Variants in DLC1 observed in about 807,000 individuals in gnomAD.
DLC1 encodes the protein DLC1 Rho GTPase activating protein, also known as rho GTPase-activating protein 7.
A neutral mutation model predicts 140.3 loss-of-function variants in DLC1; 54 were observed. That is an observed-to-expected ratio of 0.38 (90% CI 0.31 to 0.48). The LOEUF (loss-of-function observed/expected upper bound fraction) is 0.48, where lower values mean the gene tolerates loss of function less well. Ranked by LOEUF, DLC1 falls within the 20% of genes least tolerant of loss-of-function variation. The pLI is 0.96. For synonymous variants in DLC1, 986 were observed against 728.1 expected (o/e 1.35, Z -5.70); for missense variants, 2,536 against 1,907.0 (o/e 1.33, Z -6.14).
chr8:13,245,679 T>A (rs575245868), intron 5 of DLC1, among the ~76,000 whole-genome samples: 11 of 152,158 alleles, frequency 7.2e-5, no homozygotes, highest in Admixed American at 5.9e-4. Flanking sequence ...ACTTTTAAAA[T>A]TTTTTTATTA....
rs1418500153 is a variant in DLC1, at chr8:13,092,589, T to C, written c.3740+23A>G. On this transcript the variant is annotated intron_variant, in intron 13 of 17. Transcript: ENST00000276297. The stretch of plus-strand genomic sequence containing the variant: ...GAATGTAGGCTGCCCCCTGTGTGCA[T>C]GCACCTCCCATGCAGCCCGTACCTG... 3.1e-6 allele frequency: 5 copies of C among 1,611,056 alleles called. No individual in the cohort carries two copies. In the South Asian group the frequency reaches 3.3e-5, roughly 11 times the overall value.
chr8:13,372,984 C>A lies in DLC1; in HGVS notation c.1314+20569G>T, dbSNP rs75332557. ...GGAAGTAGCTACAGGAAGCAGCAGACATGGCTGAGCCTAAACCCAAATTAC... is the reference window on the plus strand; with the variant it reads ...GGAAGTAGCTACAGGAAGCAGCAGAAATGGCTGAGCCTAAACCCAAATTAC... On this transcript the variant is annotated intron_variant, in intron 4 of 17. Coordinates refer to ENST00000276297, the MANE Select transcript of DLC1 (RefSeq NM_182643.3). 3.5e-3 allele frequency among the ~76,000 whole-genome samples: 536 copies of A among 152,294 alleles called. 4 individuals carry two copies. The highest frequency in any genetic ancestry group is 0.012 in the African/African-American group (514 of 41,556).
At chr8:13,185,597 G>A (rs1264275420) in intron 5 of DLC1, among the ~76,000 whole-genome samples, 3 of 152,008 alleles carry the variant, frequency 2.0e-5, no homozygotes, top group Non-Finnish European at 4.4e-5. Flanking sequence ...GTGAGCCATG[G>A]CGCCCGGCCC....
At chr8:13,320,695 A>G (rs768852266) in intron 4 of DLC1, among the ~76,000 whole-genome samples, 2 of 152,040 alleles carry the variant, frequency 1.3e-5, no homozygotes, top group Admixed American at 6.5e-5. Flanking sequence ...GTCTGGTTCT[A>G]TTAGTTCCTG....
At chr8:13,449,662 G>A (rs144221218) in intron 2 of DLC1, among the ~76,000 whole-genome samples, 4,674 of 149,412 alleles carry the variant, frequency 0.031, 255 homozygotes, top group African/African-American at 0.11. Context: ...ACACACTGGG[G>A]CCTGTTGTGG....
At chr8:13,367,538 A>G (rs1161307675) in intron 4 of DLC1, among the ~76,000 whole-genome samples, 7 of 151,400 alleles carry the variant, frequency 4.6e-5, no homozygotes, top group Non-Finnish European at 8.8e-5. Flanking sequence ...GATTACAACA[A>G]CAACAACAAA....
chr8:13,259,255 C>T (rs750208633), intron 5 of DLC1, among the ~76,000 whole-genome samples: 13 of 152,082 alleles, frequency 8.5e-5, no homozygotes, highest in Non-Finnish European at 1.5e-4. Context: ...AGGACTTGGC[C>T]GCCCCAAGGC....
intron 2 of DLC1, among the ~76,000 whole-genome samples, chr8:13,455,834 C>G (rs189609340): frequency 6.6e-6 from 1 of 152,118 alleles, no homozygotes; most frequent in Non-Finnish European, 1.5e-5. Flanking sequence ...TATGACCATG[C>G]CACTGCACTC....
At chr8:13,370,805 G>C (rs1835691931) in intron 4 of DLC1, among the ~76,000 whole-genome samples, 2 of 152,162 alleles carry the variant, frequency 1.3e-5, no homozygotes, top group African/African-American at 4.8e-5. Flanking sequence ...TCCAATGCAA[G>C]GGAGACAGCC....
intron 5 of DLC1, among the ~76,000 whole-genome samples, chr8:13,257,173 T>C (rs560583016): frequency 6.6e-6 from 1 of 152,098 alleles, no homozygotes; most frequent in Admixed American, 6.5e-5. Context: ...TCATGTTCTT[T>C]ACTAGAATTT....
rs1321300291 is a variant in DLC1, at chr8:13,579,350, TATATATA to T, written c.-126+25180_-126+25186del. ...ATATATATATATATATATATATATA[TATATATA>T]TATATTTTTATATAATACATATTTA... On this transcript the variant is annotated intron_variant, in intron 1 of 1. Coordinates refer to the DLC1 transcript ENST00000631382. Among the ~76,000 whole-genome samples the T allele has an allele frequency of 1.7e-3, 57 of 33,188 alleles. 6 individuals carry two copies. Among genetic ancestry groups the T allele is most frequent in the African/African-American group, 7.1e-3 (53 of 7,430 alleles). 21.8% of individuals were successfully genotyped at this position (33,188 alleles called of 152,430 possible). A position where few individuals can be genotyped will look rare whatever the true frequency, so the allele number is the denominator to read the frequency against.
chr8:13,533,957 G>A (rs970523300), intron 1 of DLC1, among the ~76,000 whole-genome samples: 2 of 151,990 alleles, frequency 1.3e-5, no homozygotes, highest in African/African-American at 4.8e-5. Context: ...TGTGGAACTG[G>A]CAATCAATCA....
At chr8:13,212,424 C>T (rs1322176050) in intron 5 of DLC1, among the ~76,000 whole-genome samples, 2 of 152,160 alleles carry the variant, frequency 1.3e-5, no homozygotes, top group Admixed American at 6.6e-5. Flanking sequence ...GTTGCCTCTG[C>T]ATTTATTGCT....
intron 1 of DLC1, chr8:13,567,766 A>G (rs1395300989): frequency 1.3e-6 from 2 of 1,552,048 alleles, no homozygotes; most frequent in Non-Finnish European, 1.7e-6. Flanking sequence ...AGATGACCCC[A>G]GAATAATCTG....
chr8:13,347,791 A>G (rs1053107421), intron 4 of DLC1, among the ~76,000 whole-genome samples: 25 of 152,284 alleles, frequency 1.6e-4, no homozygotes, highest in Non-Finnish European at 3.4e-4. Context: ...ATAAGAATAC[A>G]GAGTAGAGGC....
At chr8:13,187,606 A>G (rs1414068899) in intron 5 of DLC1, among the ~76,000 whole-genome samples, 1 of 152,342 alleles carries the variant, frequency 6.6e-6, no homozygotes, top group East Asian at 1.9e-4. Context: ...TTAGCCAATA[A>G]AGAAACAGAT....
upstream of DLC1, among the ~76,000 whole-genome samples, chr8:13,516,956 C>T (rs904580522): frequency 5.9e-5 from 9 of 152,272 alleles, no homozygotes; most frequent in East Asian, 1.7e-3. Context: ...CATAAACTGC[C>T]TTCCTTGACT....
In DLC1 at chr8:13,351,901, A is replaced by G. The variant is rs541421232; in HGVS notation, c.1314+41652T>C. Among the ~76,000 whole-genome samples, 45 of 152,354 alleles carry G rather than the reference A, an allele frequency of 3.0e-4. 1 individual carries two copies. Among genetic ancestry groups the G allele is most frequent in the African/African-American group, 1.0e-3 (42 of 41,594 alleles). On this transcript the variant is annotated intron_variant, in intron 4 of 17. Coordinates refer to ENST00000276297, the MANE Select transcript of DLC1 (RefSeq NM_182643.3). ...TTGTCATGAATATAATAACATATCC[A>G]TTAATGCAGTAACATAGAGACGGTG...
chr8:13,264,235 A>AT (rs547137183), intron 5 of DLC1, among the ~76,000 whole-genome samples: 9 of 150,244 alleles, frequency 6.0e-5, no homozygotes, highest in African/African-American at 2.0e-4. Flanking sequence ...TACCTGGCTA[A>AT]TTTTTTTTTG....
Sources: gnomAD v4.1 joint callset for allele counts (sites outside exome capture counted in the v4.1 genomes callset) on GRCh38, gnomAD v4.1.1 for gene constraint, MANE v1.5 for transcripts, NCBI Gene and HGNC (gene_info 2026-07-23, HGNC 2026-07-21) for gene names.